RASA2: variants seen among roughly 807,000 people sequenced by gnomAD.
The protein encoded by RASA2 is RAS p21 protein activator 2.
Under a neutral mutation model 118.2 loss-of-function variants are expected in RASA2, and 155 were observed. The observed-to-expected ratio is 1.31, with a 90% CI of 1.15 to 1.50. The LOEUF (loss-of-function observed/expected upper bound fraction) is 1.50. Among genes scored for constraint, RASA2 ranks in the 40% most tolerant of loss-of-function variants. The pLI is 0.00. For missense variants in RASA2, 1,016 were observed against 1,009.6 expected (o/e 1.01, Z -0.09); for synonymous variants, 353 against 349.1 (o/e 1.01, Z -0.12).
chr3:141,489,466 T>G (rs2081615005), intron 1 of RASA2, among the ~76,000 whole-genome samples: 1 of 152,176 alleles, frequency 6.6e-6, no homozygotes, highest in African/African-American at 2.4e-5. Flanking sequence ...TGACAAGATA[T>G]TAAGCAGCTT....
chr3:141,580,541 T>A, intron 16 of RASA2, 90 bp downstream of exon 16: 1 of 956,004 alleles, frequency 1.0e-6, no homozygotes, highest in Non-Finnish European at 1.6e-6. Flanking sequence ...TTCTTCCAAA[T>A]TAAAAACAAA....
At chr3:141,547,930 A>G (rs1560023717) in intron 5 of RASA2, among the ~76,000 whole-genome samples, 2 of 152,134 alleles carry the variant, frequency 1.3e-5, no homozygotes, top group South Asian at 4.1e-4. Context: ...TTTTGGCATC[A>G]GTTGAAATGA....
chr3:141,579,260 A>G (rs1026094710), intron 15 of RASA2, among the ~76,000 whole-genome samples: 1 of 152,146 alleles, frequency 6.6e-6, no homozygotes, highest in African/African-American at 2.4e-5. Flanking sequence ...CTGTGTTTTG[A>G]TAGAAACTTA....
chr3:141,598,809 G>C (rs1329104483), intron 19 of RASA2, among the ~76,000 whole-genome samples: 1 of 152,056 alleles, frequency 6.6e-6, no homozygotes, highest in African/African-American at 2.4e-5. Flanking sequence ...AGAAGGCTGG[G>C]CACGGTGGTT....
At chr3:141,530,101 A>G (rs1004405339) in intron 4 of RASA2, among the ~76,000 whole-genome samples, 8 of 152,096 alleles carry the variant, frequency 5.3e-5, no homozygotes, top group African/African-American at 1.9e-4. Flanking sequence ...GAAAAGTTTT[A>G]AGGGAAAATA....
chr3:141,573,757 T>C (rs1314216880), intron 13 of RASA2, among the ~76,000 whole-genome samples, 187 bp from the exon 14 acceptor site: 2 of 152,240 alleles, frequency 1.3e-5, no homozygotes, highest in African/African-American at 4.8e-5. Flanking sequence ...AAATTTAATT[T>C]ATTAAATTAA....
rs116034228 is a variant in RASA2 at position 141,558,114 on chromosome 3, C to G, written c.685-772C>G. On this transcript the variant is annotated intron_variant, in intron 7 of 23. Coordinates refer to ENST00000286364, the MANE Select transcript of RASA2 (RefSeq NM_006506.5). ...TTCTGCGACTCAAGTATTTAACTTT[C>G]AGCATGTCATTTAATTTCTGTACTT... Among the ~76,000 whole-genome samples the G allele has an allele frequency of 7.3e-3, 1,111 of 152,240 alleles. 9 individuals carry two copies. Among genetic ancestry groups the G allele is most frequent in the African/African-American group, 0.025 (1,047 of 41,538 alleles).
At chr3:141,516,499 A>G (rs2082028851) in intron 3 of RASA2, 68 bp downstream of exon 3, 1 of 1,189,158 alleles carries the variant, frequency 8.4e-7, no homozygotes, top group Admixed American at 3.7e-5. Flanking sequence ...CTCTTAGTAT[A>G]GTTTTGAAAA....
chr3:141,609,193 G>A (rs2083596638), intron 21 of RASA2, among the ~76,000 whole-genome samples: 1 of 152,116 alleles, frequency 6.6e-6, no homozygotes, highest in Non-Finnish European at 1.5e-5. Flanking sequence ...AGCATAGGTT[G>A]TGGAAATGAT....
chr3:141,571,952 G>T (rs1185671888), intron 11 of RASA2, among the ~76,000 whole-genome samples: 1 of 148,250 alleles, frequency 6.7e-6, no homozygotes, highest in Non-Finnish European at 1.5e-5. Flanking sequence ...GTCTAACACT[G>T]TTGTTTTTTT....
chr3:141,553,832 T>C (rs1226346301), intron 5 of RASA2, 25 bp from the exon 6 acceptor site: 1 of 1,596,256 alleles, frequency 6.3e-7, no homozygotes, highest in Non-Finnish European at 8.5e-7. Context: ...ATCTAATATG[T>C]TAAATCTCTT....
At chr3:141,608,413 A>T (rs1223160324) in intron 20 of RASA2, 76 bp from the exon 21 acceptor site, 2 of 1,370,936 alleles carry the variant, frequency 1.5e-6, no homozygotes, top group Non-Finnish European at 2.1e-6. Context: ...TCCTTTAGGT[A>T]CTTTTCTTCT....
intron 1 of RASA2, among the ~76,000 whole-genome samples, chr3:141,488,199 G>T (rs2081601803): frequency 6.6e-6 from 1 of 151,898 alleles, no homozygotes; most frequent in Non-Finnish European, 1.5e-5. Flanking sequence ...TTTAGATGAA[G>T]TGCTTTTTGT....
chr3:141,506,877 C>G (rs1042794592), intron 1 of RASA2, among the ~76,000 whole-genome samples: 11 of 146,448 alleles, frequency 7.5e-5, no homozygotes, highest in African/African-American at 2.8e-4. Flanking sequence ...GATTGTGCCA[C>G]TGCACTCCAG....
At chr3:141,560,089 A>T (rs2082709721) in intron 9 of RASA2, 94 bp downstream of exon 9, 3 of 978,850 alleles carry the variant, frequency 3.1e-6, no homozygotes, top group African/African-American at 3.3e-5. Flanking sequence ...CATATTTTAA[A>T]TTTGCCATGT....
At chr3:141,512,714 T>C (rs1227247387) in intron 2 of RASA2, among the ~76,000 whole-genome samples, 1 of 152,150 alleles carries the variant, frequency 6.6e-6, no homozygotes, top group Non-Finnish European at 1.5e-5. Flanking sequence ...ACCGTAGCAA[T>C]GTGAACATAA....
intron 14 of RASA2, 79 bp downstream of exon 14, chr3:141,574,146 G>A (rs2082970408): frequency 1.0e-6 from 1 of 963,220 alleles, no homozygotes; most frequent in African/African-American, 1.7e-5. Context: ...TGTTTGGTTT[G>A]TGAGATATTT....
chr3:141,487,187 G>T lies in RASA2; in HGVS notation c.104G>T (p.Arg35Leu). ...GGGGACCAGGACAGTCGCGAGGTTC[G>T]AGTGTTGCAGAGCCTGCGGGGCAAG... The part of the protein sequence containing the change: ...EAGDQDSREV[R>L]VLQSLRGKIC... Residue 35 changes from arginine (R) to leucine (L), a missense_variant, in exon 1 of 24, where the codon CGA becomes CTA. Arg to Leu is a moderately radical substitution (Grantham distance 102). This residue lies in a region of RASA2 where 896 missense variants were observed against 836.4 expected (regional missense o/e 1.07). Transcript: ENST00000286364. 1 of 1,458,674 alleles carries T rather than the reference G, an allele frequency of 6.9e-7. No individual in the cohort carries two copies. Among genetic ancestry groups the T allele is most frequent in the Non-Finnish European group, 9.1e-7 (1 of 1,095,144 alleles). 90.4% of individuals were successfully genotyped at this position (1,458,674 alleles called of 1,614,324 possible).
chr3:141,531,358 G>A (rs545463075), intron 4 of RASA2, among the ~76,000 whole-genome samples: 2 of 151,622 alleles, frequency 1.3e-5, no homozygotes, highest in Admixed American at 1.3e-4. Flanking sequence ...TCTTGTAGAT[G>A]GTACTAAAGA....
Sources: gnomAD v4.1 joint callset for allele counts (sites outside exome capture counted in the v4.1 genomes callset) on GRCh38, gnomAD v4.1.1 for gene constraint, gnomAD v4.1.1 regional missense constraint, MANE v1.5 for transcripts, NCBI Gene and HGNC (gene_info 2026-07-23, HGNC 2026-07-21) for gene names.